Variants in USP21 observed in about 807,000 individuals in gnomAD.
USP21 encodes ubiquitin carboxyl-terminal hydrolase 21.
USP21 carries 37 observed loss-of-function variants against 70.8 expected under a neutral mutation model. The ratio of observed to expected loss-of-function variants is 0.52; its 90% confidence interval spans 0.40 to 0.69. The LOEUF (loss-of-function observed/expected upper bound fraction) is 0.69, where lower values mean the gene tolerates loss of function less well. USP21 is among the 30% of genes least tolerant of loss of function. The pLI is 0.00. For synonymous variants in USP21, 263 were observed against 283.1 expected, an observed-to-expected ratio of 0.93 and a Z score of 0.71; for missense variants, 584 against 740.8, an observed-to-expected ratio of 0.79 and a Z score of 2.46.
Position 161,165,565 on chromosome 1 carries a change from G to C in USP21, c.*118G>C. The C allele has an allele frequency of 2.9e-4, 82 of 287,022 alleles. No homozygotes were observed. Among genetic ancestry groups the C allele is most frequent in the Middle Eastern group, 8.4e-4 (1 of 1,184 alleles). The allele number at this position is 287,022 out of a possible 1,614,324, so 17.8% of individuals were successfully genotyped here. A position where few individuals can be genotyped will look rare whatever the true frequency, so the allele number is the denominator to read the frequency against. On this transcript the variant is annotated 3_prime_UTR_variant, in exon 14 of 14. Transcript: ENST00000368002. ...TTAATCGGGGAGGGGGGAGGGGGTG[G>C]TTGTAGCTCCATTATTTTTTTTATT...
At position 161,162,647 on chromosome 1, in the gene USP21, C is replaced by T; in HGVS notation, c.814C>T (p.Pro272Ser). 1.2e-6 allele frequency: 2 copies of T among 1,614,124 alleles called. No homozygotes were observed. The highest frequency in any genetic ancestry group is 1.7e-6 in the Non-Finnish European group (2 of 1,179,952). The change falls in exon 6 of 14, where the codon CCT becomes TCT. Residue 272 changes from proline to serine, a missense_variant. Pro to Ser is a moderately conservative substitution (Grantham distance 74). This residue lies in a region of USP21 where 87 missense variants were observed against 162.4 expected (regional missense o/e 0.54). Coordinates refer to ENST00000368002, the MANE Select transcript of USP21 (RefSeq NM_001014443.3). This position sits in a 1 kb window ranked among gnomAD's most constrained non-coding sequence, Gnocchi z 4.1. Reference protein sequence around the residue: ...FADVIGALWHPDSCEAVNPTR... With the variant: ...FADVIGALWHSDSCEAVNPTR... ...AGATGTGATTGGTGCCCTCTGGCAC[C>T]CTGACTCCTGCGAAGCTGTGAATCC...
In USP21 at chr1:161,161,957, G is replaced by A; in HGVS notation, c.601-81G>A. On this transcript the variant is annotated intron_variant, in intron 3 of 13. Coordinates refer to ENST00000368002, the MANE Select transcript of USP21 (RefSeq NM_001014443.3). The surrounding 1 kb of genome is among the most constrained non-coding windows in gnomAD (Gnocchi z 4.2). ...ATGAAACATGCATGGGATGGGGGAG[G>A]CAGTGGGCAGCATGCTGTTGAAAGG... is the stretch of plus-strand genomic sequence containing the variant. 2 of 1,323,390 alleles carry A rather than the reference G, an allele frequency of 1.5e-6. No individual in the cohort carries two copies. The highest frequency in any genetic ancestry group is 2.2e-6 in the Non-Finnish European group (2 of 914,988). The allele number at this position is 1,323,390 out of a possible 1,614,324, so 82.0% of individuals were successfully genotyped here.
At position 161,162,937 on chromosome 1, in the gene USP21, G is replaced by A. The variant is rs1658053359; in HGVS notation, c.912G>A (p.Glu304=). ...FSGYSQQDAQ[E]FLKLLMERLH... is the part of the protein sequence containing the mutation. Reference sequence around the variant, plus strand: ...GCTGTAGCCAGCAGGATGCCCAAGAGTTCCTGAAGCTCCTCATGGAGCGGC... The same window carrying A: ...GCTGTAGCCAGCAGGATGCCCAAGAATTCCTGAAGCTCCTCATGGAGCGGC... Residue 304 remains glutamate (E), a synonymous_variant, in exon 7 of 14, where the codon GAG becomes GAA. Coordinates refer to ENST00000368002, the MANE Select transcript of USP21 (RefSeq NM_001014443.3). This position sits in a 1 kb window ranked among gnomAD's most constrained non-coding sequence, Gnocchi z 4.1. The A allele has an allele frequency of 6.2e-7, 1 of 1,610,818 alleles. No homozygotes were observed. Among genetic ancestry groups the A allele is most frequent in the Non-Finnish European group, 8.5e-7 (1 of 1,178,660 alleles).
chr1:161,160,852 G>A lies in USP21; in HGVS notation c.212G>A (p.Gly71Glu). ...ERLKKLELGR[G>E]RTSGPRPRGP... is the part of the protein sequence containing the mutation. ...CTCAAGAAACTGGAGCTGGGACGGG[G>A]ACGGACCTCAGGCCCTCGTCCCAGA... Residue 71 changes from glycine (G) to glutamate (E), a missense_variant, in exon 3 of 14, where the codon GGA becomes GAA. This residue lies in a region of USP21 where 284 missense variants were observed against 281.0 expected (regional missense o/e 1.01). Coordinates refer to ENST00000368002, the MANE Select transcript of USP21 (RefSeq NM_001014443.3). The A allele has an allele frequency of 6.2e-7, 1 of 1,614,236 alleles. No homozygotes were observed. The highest frequency in any genetic ancestry group is 8.5e-7 in the Non-Finnish European group (1 of 1,180,048).
chr1:161,162,113 C>T lies in USP21; in HGVS notation c.660+16C>T. 7 of 1,614,016 alleles carry T rather than the reference C, an allele frequency of 4.3e-6. No individual in the cohort carries two copies. The highest frequency in any genetic ancestry group is 5.9e-6 in the Non-Finnish European group (7 of 1,179,924). ...GGGAAACACGGTGAGAGCTATTCTC[C>T]TATCTTTCCTCTCTAAAAGGAATGT... On this transcript the variant is annotated intron_variant, in intron 4 of 13. Coordinates refer to ENST00000368002, the MANE Select transcript of USP21 (RefSeq NM_001014443.3). The surrounding 1 kb of genome is among the most constrained non-coding windows in gnomAD (Gnocchi z 4.1).
At position 161,162,149 on chromosome 1, in the gene USP21, T is replaced by C; in HGVS notation, c.660+52T>C. 1.9e-6 allele frequency: 3 copies of C among 1,613,124 alleles called. No individual in the cohort carries two copies. The South Asian group carries it at 3.3e-5, about 18-fold the overall frequency. On this transcript the variant is annotated intron_variant, in intron 4 of 13. Coordinates refer to ENST00000368002, the MANE Select transcript of USP21 (RefSeq NM_001014443.3). The surrounding 1 kb of genome is among the most constrained non-coding windows in gnomAD (Gnocchi z 4.1). Reference sequence around the variant, plus strand: ...CTCTAAAAGGAATGTGAAATGGTGCTGGGGGTGGGGAAAACCCACGAGCTT... The same window carrying C: ...CTCTAAAAGGAATGTGAAATGGTGCCGGGGGTGGGGAAAACCCACGAGCTT...
Position 161,160,766 on chromosome 1 carries a change from C to G in USP21, c.126C>G (p.Ala42=), listed in dbSNP as rs773739033. Residue 42 remains alanine (A), a synonymous_variant, in exon 3 of 14, where the codon GCC becomes GCG. Coordinates refer to ENST00000368002, the MANE Select transcript of USP21 (RefSeq NM_001014443.3). The part of the protein sequence containing the change: ...RARSKERRNP[A]SGPNPMLRPL... ...GCAGCAAGGAGCGCAGAAACCCAGC[C>G]TCTGGGCCAAACCCCATGTTACGAC... 6.2e-7 allele frequency: 1 copy of G among 1,614,200 alleles called. No individual in the cohort carries two copies. Among genetic ancestry groups the G allele is most frequent in the South Asian group, 1.1e-5 (1 of 91,086 alleles).
In USP21 at chr1:161,162,186, G is replaced by C; in HGVS notation, c.661-84G>C. The C allele has an allele frequency of 1.2e-6, 2 of 1,613,504 alleles. No homozygotes were observed. The highest frequency in any genetic ancestry group is 1.7e-6 in the Non-Finnish European group (2 of 1,179,486). ...AAACCCACGAGCTTGGGGAAGGCAT[G>C]TGGAAGGAGAGCTCTGAAGCTCTTC... On this transcript the variant is annotated intron_variant, in intron 4 of 13. Coordinates refer to ENST00000368002, the MANE Select transcript of USP21 (RefSeq NM_001014443.3). The surrounding 1 kb of genome is among the most constrained non-coding windows in gnomAD (Gnocchi z 4.1).
chr1:161,163,820 A>G, intron 8 of USP21, 58 bp from the exon 9 acceptor site: 4 of 1,420,352 alleles, frequency 2.8e-6, no homozygotes, highest in Non-Finnish European at 4.0e-6. Context: ...GAAATCCAAG[A>G]AATCATCTCA....
rs776471937 is a variant in USP21 at position 161,165,424 on chromosome 1, C to G, written c.1675C>G (p.Gln559Glu). 1.9e-6 allele frequency: 3 copies of G among 1,614,126 alleles called. No individual in the cohort carries two copies. Among genetic ancestry groups the G allele is most frequent in the Non-Finnish European group, 2.5e-6 (3 of 1,179,992 alleles). ...CTACGTGCTGTTCTACCAACTGATGCAGGAGCCACCCCGGTGCCTGTGACA... is the reference window on the plus strand; with the variant it reads ...CTACGTGCTGTTCTACCAACTGATGGAGGAGCCACCCCGGTGCCTGTGACA... The part of the protein sequence containing the change: ...EGYVLFYQLM[Q>E]EPPRCL Residue 559 changes from glutamine (Q) to glutamate (E), a missense_variant, in exon 14 of 14, where the codon CAG (glutamine) becomes GAG (glutamate). Physicochemically the swap from Gln to Glu is conservative, Grantham distance 29. This residue lies in a region of USP21 where 173 missense variants were observed against 268.2 expected (regional missense o/e 0.65). Coordinates refer to ENST00000368002, the MANE Select transcript of USP21 (RefSeq NM_001014443.3).
In USP21 at chr1:161,164,625, T is replaced by C; in HGVS notation, c.1384+13T>C. On this transcript the variant is annotated intron_variant, in intron 11 of 13. Coordinates refer to ENST00000368002, the MANE Select transcript of USP21 (RefSeq NM_001014443.3). This position sits in a 1 kb window ranked among gnomAD's most constrained non-coding sequence, Gnocchi z 4.2. The stretch of plus-strand genomic sequence containing the variant: ...ATCCTCGTGCTCCATATCCTAATCT[T>C]CAGATTCTTACTTCTCTTAGGATAC... 1 of 1,613,950 alleles carries C rather than the reference T, an allele frequency of 6.2e-7. No homozygotes were observed. Among genetic ancestry groups the C allele is most frequent in the Non-Finnish European group, 8.5e-7 (1 of 1,179,780 alleles).
chr1:161,162,128 A>C lies in USP21; in HGVS notation c.660+31A>C. The C allele has an allele frequency of 6.2e-7, 1 of 1,613,492 alleles. No individual in the cohort carries two copies. Among genetic ancestry groups the C allele is most frequent in the South Asian group, 1.1e-5 (1 of 91,052 alleles). On this transcript the variant is annotated intron_variant, in intron 4 of 13. Coordinates refer to ENST00000368002, the MANE Select transcript of USP21 (RefSeq NM_001014443.3). The surrounding 1 kb of genome is among the most constrained non-coding windows in gnomAD (Gnocchi z 4.1). ...AGCTATTCTCCTATCTTTCCTCTCT[A>C]AAAGGAATGTGAAATGGTGCTGGGG...
At position 161,164,434 on chromosome 1, in the gene USP21, G is replaced by A. The variant is rs991601453; in HGVS notation, c.1306-100G>A. 1 of 1,475,240 alleles carries A rather than the reference G, an allele frequency of 6.8e-7. No individual in the cohort carries two copies. Among genetic ancestry groups the A allele is most frequent in the Non-Finnish European group, 9.4e-7 (1 of 1,060,386 alleles). The allele number at this position is 1,475,240 out of a possible 1,614,324, so 91.4% of individuals were successfully genotyped here. On this transcript the variant is annotated intron_variant, in intron 10 of 13. Transcript: ENST00000368002. The surrounding 1 kb of genome is among the most constrained non-coding windows in gnomAD (Gnocchi z 4.2). The stretch of plus-strand genomic sequence containing the variant: ...GGGGAGAAGCCAAGAGGATCCAGCT[G>A]TAATGAAGAGCATACTAAATTTGTA...
Position 161,164,355 on chromosome 1 carries a change from T to C in USP21, c.1305+105T>C, listed in dbSNP as rs1658283095. The C allele has an allele frequency of 7.4e-7, 1 of 1,360,504 alleles. No individual in the cohort carries two copies. The highest frequency in any genetic ancestry group is 1.0e-6 in the Non-Finnish European group (1 of 957,866). The allele number at this position is 1,360,504 out of a possible 1,614,324, so 84.3% of individuals were successfully genotyped here. On this transcript the variant is annotated intron_variant, in intron 10 of 13. Transcript: ENST00000368002. The surrounding 1 kb of genome is among the most constrained non-coding windows in gnomAD (Gnocchi z 4.2). ...GTCTTCATATGGGGAATAATATTTA[T>C]GTATCTGGGTTTGTGTTGGAGTCTC...
At chr1:161,163,502 C>T (rs2101811506) in intron 7 of USP21, 53 bp from the exon 8 acceptor site, 1 of 1,558,844 alleles carries the variant, frequency 6.4e-7, no homozygotes, top group South Asian at 1.1e-5. Context: ...TTGGGGGTGC[C>T]CAGTGTTCCT....
chr1:161,162,233 C>A lies in USP21; in HGVS notation c.661-37C>A. ...CTTCTAAGGCTTCCTGGGCAGTGGT[C>A]TGGAGAGATAACAGCAGTGTCCCTA... On this transcript the variant is annotated intron_variant, in intron 4 of 13. Coordinates refer to ENST00000368002, the MANE Select transcript of USP21 (RefSeq NM_001014443.3). The surrounding 1 kb of genome is among the most constrained non-coding windows in gnomAD (Gnocchi z 4.1). 1 of 1,609,234 alleles carries A rather than the reference C, an allele frequency of 6.2e-7. No individual in the cohort carries two copies. The highest frequency in any genetic ancestry group is 8.5e-7 in the Non-Finnish European group (1 of 1,176,770).
At position 161,165,141 on chromosome 1, in the gene USP21, T is replaced by G. The variant is rs200656986; in HGVS notation, c.1605T>G (p.Ser535=). Reference sequence around the variant, plus strand: ...CTGGTTGGCATGTCTACAATGACTCTCGGTGAGAATAGCCTCCTATTTACA... The same window carrying G: ...CTGGTTGGCATGTCTACAATGACTCGCGGTGAGAATAGCCTCCTATTTACA... ...CQTGWHVYND[S]RVSPVSENQV... The change falls in exon 13 of 14, where the codon TCT becomes TCG. Residue 535 remains serine, a splice_region_variant and synonymous_variant. Transcript: ENST00000368002. 26 of 1,613,078 alleles carry G rather than the reference T, an allele frequency of 1.6e-5. No individual in the cohort carries two copies. The highest frequency in any genetic ancestry group is 2.2e-5 in the Non-Finnish European group (26 of 1,179,310).
In USP21 at chr1:161,165,693, A is replaced by C; in HGVS notation, c.*246A>C. On this transcript the variant is annotated 3_prime_UTR_variant, in exon 14 of 14. Coordinates refer to ENST00000368002, the MANE Select transcript of USP21 (RefSeq NM_001014443.3). ...CAGCCCCCAGACCCTCTGCAATATCACTTTTTGTGAATAAATTTATTAAGA... is the reference window on the plus strand; with the variant it reads ...CAGCCCCCAGACCCTCTGCAATATCCCTTTTTGTGAATAAATTTATTAAGA... The C allele has an allele frequency of 5.0e-6, 2 of 397,118 alleles. No homozygotes were observed. Among genetic ancestry groups the C allele is most frequent in the South Asian group, 1.6e-4 (2 of 12,842 alleles). 24.6% of individuals were successfully genotyped at this position (397,118 alleles called of 1,614,324 possible). A position where few individuals can be genotyped will look rare whatever the true frequency, so the allele number is the denominator to read the frequency against.
rs1379858238 is a variant in USP21 at position 161,160,624 on chromosome 1, A to G, written c.-17A>G. The G allele has an allele frequency of 1.2e-6, 2 of 1,607,228 alleles. No individual in the cohort carries two copies. The highest frequency in any genetic ancestry group is 2.7e-5 in the African/African-American group (2 of 74,762). ...GACACTCTCTTCTCCTCCCAGGTCC[A>G]GCCTGTGGTGTCCACAATGCCCCAG... On this transcript the variant is annotated 5_prime_UTR_variant, in exon 3 of 14. Transcript: ENST00000368002.
Sources: allele counts gnomAD v4.1 joint callset, GRCh38; gene constraint gnomAD v4.1.1; regional missense constraint gnomAD v4.1.1; non-coding constraint Gnocchi (gnomAD v3.1); transcripts MANE v1.5; gene names NCBI Gene and HGNC (gene_info 2026-07-23, HGNC 2026-07-21).